Variants in ARHGEF4 observed in about 807,000 individuals in gnomAD.
The protein encoded by ARHGEF4 is Rho guanine nucleotide exchange factor 4, also known as APC-stimulated guanine nucleotide exchange factor 1.
Under a neutral mutation model 162.0 loss-of-function variants are expected in ARHGEF4, and 119 were observed. The observed-to-expected ratio is 0.73, with a 90% confidence interval of 0.63 to 0.86. ARHGEF4 has a LOEUF of 0.86. Ranked by LOEUF, ARHGEF4 falls within the 40% of genes least tolerant of loss-of-function variation. The pLI, the probability that ARHGEF4 is intolerant of heterozygous loss-of-function variation, is 0.00. For synonymous variants in ARHGEF4, 1,014 were observed against 979.9 expected (o/e 1.03, Z -0.65); for missense variants, 2,488 against 2,456.0 (o/e 1.01, Z -0.28).
At chr2:130,955,924 C>CT (rs757381096) in intron 4 of ARHGEF4, among the ~76,000 whole-genome samples, 2 of 152,182 alleles carry the variant, frequency 1.3e-5, no homozygotes, top group African/African-American at 2.4e-5. Context: ...TCTCCATGCT[C>CT]TGTTACAAAC....
At chr2:130,839,226 C>G (rs1418136774) in intron 1 of ARHGEF4, among the ~76,000 whole-genome samples, 1 of 152,172 alleles carries the variant, frequency 6.6e-6, no homozygotes, top group Non-Finnish European at 1.5e-5. Context: ...AGGAATACCC[C>G]GTGAGGACAC....
At chr2:130,923,001 G>A (rs1029593143) in intron 2 of ARHGEF4, among the ~76,000 whole-genome samples, 1 of 151,530 alleles carries the variant, frequency 6.6e-6, no homozygotes, top group African/African-American at 2.4e-5. Flanking sequence ...CACAATCTTG[G>A]CTCAGTGCAA....
Position 130,887,097 on chromosome 2 carries a change from T to C in ARHGEF4, c.40-26889T>C, listed in dbSNP as rs527453931. Among the ~76,000 whole-genome samples the C allele has an allele frequency of 4.6e-5, 7 of 152,224 alleles. No individual in the cohort carries two copies. In the East Asian group the frequency reaches 1.3e-3, roughly 29 times the overall value. On this transcript the variant is annotated intron_variant, in intron 1 of 13. Coordinates refer to ENST00000409359, the MANE Select transcript of ARHGEF4 (RefSeq NM_001367493.1). ...AGTTTCCCAATGTTGTTTTTCTTTTTAAAGGTTGTTTTAGCTAGTCTTAAG... is the reference window on the plus strand; with the variant it reads ...AGTTTCCCAATGTTGTTTTTCTTTTCAAAGGTTGTTTTAGCTAGTCTTAAG...
chr2:130,996,441 C>T (rs944475158), intron 4 of ARHGEF4, among the ~76,000 whole-genome samples: 21 of 152,330 alleles, frequency 1.4e-4, no homozygotes, highest in African/African-American at 5.1e-4. Context: ...GCAGAAGTCA[C>T]TTATCGTTAT....
chr2:130,864,205 A>G (rs142151836), intron 1 of ARHGEF4, among the ~76,000 whole-genome samples: 16,585 of 150,630 alleles, frequency 0.11, 1,472 homozygotes, highest in African/African-American at 0.24. Flanking sequence ...AAGAAAGAAA[A>G]AAAAAAAAAG....
chr2:130,838,078 G>C (rs1250443430), intron 1 of ARHGEF4, among the ~76,000 whole-genome samples: 1 of 152,254 alleles, frequency 6.6e-6, no homozygotes, highest in Admixed American at 6.5e-5. Context: ...CTGGCATCAA[G>C]AGTGGAGAGG....
intron 1 of ARHGEF4, among the ~76,000 whole-genome samples, chr2:130,907,994 A>G (rs1680944051): frequency 6.6e-6 from 1 of 151,478 alleles, no homozygotes; most frequent in Non-Finnish European, 1.5e-5. Context: ...CTTTCGTGTG[A>G]GTATAATTTT....
chr2:130,968,788 C>T (rs1055011663), intron 4 of ARHGEF4, among the ~76,000 whole-genome samples: 7 of 152,006 alleles, frequency 4.6e-5, no homozygotes, highest in Non-Finnish European at 8.8e-5. Flanking sequence ...TGTGGTGGCA[C>T]GCGCCTGTAG....
At chr2:130,873,708 A>G (rs1559012660) in intron 1 of ARHGEF4, among the ~76,000 whole-genome samples, 1 of 152,072 alleles carries the variant, frequency 6.6e-6, no homozygotes, top group African/African-American at 2.4e-5. Flanking sequence ...TTAGAATACC[A>G]AGCTGCCTTT....
intron 4 of ARHGEF4, among the ~76,000 whole-genome samples, chr2:130,963,345 C>A (rs905042162): frequency 2.0e-5 from 3 of 152,082 alleles, no homozygotes; most frequent in African/African-American, 4.8e-5. Context: ...CGCGCTCCCC[C>A]CGCCGGCGCG....
At chr2:130,990,909 T>C (rs775789597) in intron 4 of ARHGEF4, among the ~76,000 whole-genome samples, 16 of 152,154 alleles carry the variant, frequency 1.1e-4, no homozygotes, top group Non-Finnish European at 1.9e-4. Context: ...CACACAGATA[T>C]AGGGTTCAGA....
intron 1 of ARHGEF4, among the ~76,000 whole-genome samples, chr2:130,902,818 A>G (rs1205859089): frequency 6.6e-6 from 1 of 152,148 alleles, no homozygotes. Context: ...TCCTCTACAT[A>G]TTTTGAGAAC....
intron 10 of ARHGEF4, among the ~76,000 whole-genome samples, chr2:131,042,330 A>G (rs562506264): frequency 6.6e-6 from 1 of 152,232 alleles, no homozygotes; most frequent in Non-Finnish European, 1.5e-5. Context: ...CCAACACAGC[A>G]TGACCAAAAA....
chr2:130,905,956 A>G (rs1574201536), intron 1 of ARHGEF4, among the ~76,000 whole-genome samples: 1 of 152,202 alleles, frequency 6.6e-6, no homozygotes, highest in Non-Finnish European at 1.5e-5. Context: ...TATTTGTATC[A>G]GTATGGGTTT....
intron 4 of ARHGEF4, among the ~76,000 whole-genome samples, chr2:130,947,807 C>T (rs577054823): frequency 6.6e-6 from 1 of 152,316 alleles, no homozygotes; most frequent in African/African-American, 2.4e-5. Flanking sequence ...GCAGATCTGT[C>T]TTCTGGTGGA....
chr2:130,926,008 T>TCTTCTTTCTTTC (rs1553514598), intron 2 of ARHGEF4, among the ~76,000 whole-genome samples: 9 of 18,996 alleles, frequency 4.7e-4, no homozygotes, highest in Non-Finnish European at 1.6e-3. Context: ...ATTTGTTTGG[T>TCTTCTTTCTTTC]TTTCTCTCTT....
chr2:130,978,713 A>G (rs1192494645), intron 4 of ARHGEF4, among the ~76,000 whole-genome samples: 1 of 152,160 alleles, frequency 6.6e-6, no homozygotes, highest in Non-Finnish European at 1.5e-5. Flanking sequence ...AAGTATACTC[A>G]ATACACTTAA....
At chr2:131,044,850 G>T (rs2105423270) in intron 12 of ARHGEF4, among the ~76,000 whole-genome samples, 1 of 152,354 alleles carries the variant, frequency 6.6e-6, no homozygotes, top group Admixed American at 6.5e-5. Flanking sequence ...ATAGGACGGG[G>T]TCCTCTGCGC....
intron 4 of ARHGEF4, among the ~76,000 whole-genome samples, chr2:130,989,807 CG>C (rs1686821725): frequency 6.6e-6 from 1 of 152,168 alleles, no homozygotes; most frequent in Admixed American, 6.5e-5. Flanking sequence ...TGTCTGACAT[CG>C]GATTAGCACT....
Sources: gnomAD v4.1 joint callset for allele counts (sites outside exome capture counted in the v4.1 genomes callset) on GRCh38, gnomAD v4.1.1 for gene constraint, MANE v1.5 for transcripts, NCBI Gene and HGNC (gene_info 2026-07-23, HGNC 2026-07-21) for gene names.